Variants in SPIDR observed in about 807,000 individuals in gnomAD.
SPIDR encodes the protein DNA repair-scaffolding protein.
A neutral mutation model predicts 104.6 loss-of-function variants in SPIDR; 93 were observed. The ratio of observed to expected loss-of-function variants is 0.89; its 90% CI spans 0.75 to 1.06. The LOEUF is 1.06. Among genes scored for constraint, SPIDR ranks in the 50% least tolerant of loss-of-function variants. The pLI, the probability that SPIDR is intolerant of heterozygous loss-of-function variation, is 0.00. For synonymous variants in SPIDR, 431 were observed against 416.9 expected, an observed-to-expected ratio of 1.03 and a Z score of -0.41; for missense variants, 1,154 against 1,111.2, an observed-to-expected ratio of 1.04 and a Z score of -0.55.
rs544317034 is a variant in SPIDR at position 47,646,632 on chromosome 8, T to C, written c.1545-27169T>C. ...AACTGTCACAGAAAAATCTATGACA[T>C]TGGTTACATTGAAGGAATGGTGGGA... is the stretch of plus-strand genomic sequence containing the variant. On this transcript the variant is annotated intron_variant, in intron 10 of 19. Coordinates refer to ENST00000297423, the MANE Select transcript of SPIDR (RefSeq NM_001080394.4). Among the ~76,000 whole-genome samples the C allele has an allele frequency of 4.6e-5, 7 of 152,266 alleles. No individual in the cohort carries two copies. In the East Asian group the frequency reaches 1.2e-3, roughly 25 times the overall value.
At position 47,485,236 on chromosome 8, in the gene SPIDR, AGCCTCGC is replaced by A. The variant is rs566144359; in HGVS notation, c.1097+44695_1097+44701del. Among the ~76,000 whole-genome samples, 34 of 152,308 alleles carry A rather than the reference AGCCTCGC, an allele frequency of 2.2e-4. No homozygotes were observed. The South Asian group carries it at 5.0e-3, about 22-fold the overall frequency. ...GGCTCGGAGGGTCCCACGCGCACGG[AGCCTCGC>A]TCATTGCTAATACAGCTAGTACAGT... On this transcript the variant is annotated intron_variant, in intron 8 of 19. Transcript: ENST00000297423.
At chr8:47,331,444 A>G (rs1258039799) in intron 5 of SPIDR, among the ~76,000 whole-genome samples, 1 of 152,176 alleles carries the variant, frequency 6.6e-6, no homozygotes, top group Non-Finnish European at 1.5e-5. Flanking sequence ...GATACTGTAG[A>G]CAATTGGAAC....
chr8:47,659,689 A>C (rs2073728551), intron 10 of SPIDR: 15 of 977,540 alleles, frequency 1.5e-5, no homozygotes, highest in Non-Finnish European at 1.6e-5. Context: ...CCTTGCGCTC[A>C]GGTTCCAGCC....
chr8:47,676,651 C>G (rs1191763332), intron 11 of SPIDR, among the ~76,000 whole-genome samples: 1 of 152,164 alleles, frequency 6.6e-6, no homozygotes, highest in Admixed American at 6.5e-5. Flanking sequence ...ATTTCAGTAT[C>G]TAATACCGAA....
chr8:47,526,513 G>GA (rs1433210403), intron 8 of SPIDR, among the ~76,000 whole-genome samples: 8 of 151,806 alleles, frequency 5.3e-5, no homozygotes, highest in East Asian at 1.9e-4. Flanking sequence ...CGAGCAAAAA[G>GA]AAAAAAAATG....
At chr8:47,552,073 G>C (rs558694778) in intron 8 of SPIDR, among the ~76,000 whole-genome samples, 1 of 152,314 alleles carries the variant, frequency 6.6e-6, no homozygotes, top group South Asian at 2.1e-4. Flanking sequence ...CCATGTAGTA[G>C]AGTGGTTTTG....
chr8:47,538,368 AC>A (rs1157274704), intron 8 of SPIDR, among the ~76,000 whole-genome samples: 3 of 152,062 alleles, frequency 2.0e-5, no homozygotes, highest in Non-Finnish European at 4.4e-5. Context: ...ACATGGTGAA[AC>A]CCCGTCTCTA....
chr8:47,405,290 A>ATG, intron 6 of SPIDR, among the ~76,000 whole-genome samples: 1 of 125,902 alleles, frequency 7.9e-6, no homozygotes, highest in African/African-American at 3.6e-5. Context: ...CCAACATGGC[A>ATG]CGTGTGTGTG....
chr8:47,313,598 T>C (rs919182472), intron 5 of SPIDR, among the ~76,000 whole-genome samples: 19 of 152,330 alleles, frequency 1.2e-4, no homozygotes, highest in African/African-American at 4.1e-4. Context: ...AGAGCCCGCA[T>C]TGCCGAGTCA....
At position 47,323,453 on chromosome 8, in the gene SPIDR, G is replaced by A. The variant is rs555659877; in HGVS notation, c.525+29423G>A. ...ATGAAATTTTTTTGATGTTTTTGCC[G>A]TAGACATGGAATGTATAGTGCTCTA... On this transcript the variant is annotated intron_variant, in intron 5 of 19. Coordinates refer to ENST00000297423, the MANE Select transcript of SPIDR (RefSeq NM_001080394.4). Among the ~76,000 whole-genome samples, 49 of 152,256 alleles carry A rather than the reference G, an allele frequency of 3.2e-4. 1 individual carries two copies. The highest frequency in any genetic ancestry group is 1.3e-4 in the Non-Finnish European group (9 of 68,022).
At chr8:47,519,995 T>A (rs188409102) in intron 8 of SPIDR, among the ~76,000 whole-genome samples, 2 of 152,334 alleles carry the variant, frequency 1.3e-5, no homozygotes, top group South Asian at 4.1e-4. Context: ...TAAGCCCTTA[T>A]ACCAATTGGT....
At chr8:47,310,761 T>G (rs1051919182) in intron 5 of SPIDR, among the ~76,000 whole-genome samples, 34 of 152,136 alleles carry the variant, frequency 2.2e-4, no homozygotes, top group African/African-American at 8.2e-4. Context: ...ATAAAAGTCT[T>G]AGGCTAAAAT....
At chr8:47,516,272 G>A (rs998163394) in intron 8 of SPIDR, among the ~76,000 whole-genome samples, 2 of 152,096 alleles carry the variant, frequency 1.3e-5, no homozygotes, top group African/African-American at 4.8e-5. Flanking sequence ...AAAAATTGTG[G>A]TAAAATATGC....
chr8:47,728,696 C>T (rs1200630773), intron 17 of SPIDR: 4 of 400,748 alleles, frequency 1.0e-5, no homozygotes, highest in African/African-American at 6.3e-5. Context: ...GCATCCCCTC[C>T]TCTGCTCCCC....
chr8:47,414,688 GGTACGAAT>G (rs2063980377), intron 7 of SPIDR, among the ~76,000 whole-genome samples: 1 of 152,086 alleles, frequency 6.6e-6, no homozygotes, highest in Non-Finnish European at 1.5e-5. Flanking sequence ...ACTATTGCAT[GGTACGAAT>G]GTGCCACAGT....
intron 8 of SPIDR, among the ~76,000 whole-genome samples, chr8:47,549,267 T>A (rs2090036119): frequency 6.6e-6 from 1 of 152,212 alleles, no homozygotes; most frequent in Admixed American, 6.5e-5. Flanking sequence ...TGATTTATAA[T>A]CCTTTGGGTA....
intron 8 of SPIDR, among the ~76,000 whole-genome samples, chr8:47,501,137 G>A (rs2080351135): frequency 6.6e-6 from 1 of 152,124 alleles, no homozygotes; most frequent in Admixed American, 6.5e-5. Flanking sequence ...CTCTTTTTTG[G>A]TTCCATAGGA....
intron 9 of SPIDR, 150 bp downstream of exon 9, chr8:47,596,156 G>A (rs766878627): frequency 7.8e-6 from 5 of 643,684 alleles, no homozygotes; most frequent in Admixed American, 6.1e-5. Flanking sequence ...TTACTGTTAC[G>A]CCTGAATATA....
intron 7 of SPIDR, among the ~76,000 whole-genome samples, chr8:47,436,391 T>G (rs2068327908): frequency 6.6e-6 from 1 of 152,174 alleles, no homozygotes; most frequent in East Asian, 1.9e-4. Context: ...AACATTGTCC[T>G]TTGTTTGTAA....
Sources: allele counts gnomAD v4.1 joint callset (sites outside exome capture counted in the v4.1 genomes callset), GRCh38; gene constraint gnomAD v4.1.1; transcripts MANE v1.5; gene names NCBI Gene and HGNC (gene_info 2026-07-23, HGNC 2026-07-21).